SDK1: variants seen among roughly 807,000 people sequenced by gnomAD.
The protein encoded by SDK1 is sidekick cell adhesion molecule 1, also known as protein sidekick-1.
SDK1 carries 157 observed loss-of-function variants against 245.5 expected under a neutral mutation model. That is an observed-to-expected ratio of 0.64 (90% CI 0.56 to 0.73). The LOEUF is 0.73. Ranked by LOEUF, SDK1 falls within the 30% of genes least tolerant of loss-of-function variation. SDK1 has a pLI of 0.00. For missense variants in SDK1, 3,583 were observed against 3,002.3 expected (o/e 1.19, Z -4.52); for synonymous variants, 1,647 against 1,278.5 (o/e 1.29, Z -6.15).
intron 13 of SDK1, among the ~76,000 whole-genome samples, chr7:3,980,261 A>G (rs970306631): frequency 1.3e-5 from 2 of 152,116 alleles, no homozygotes; most frequent in African/African-American, 4.8e-5. Context: ...TCTCACACAC[A>G]CCTTGCTTCA....
intron 1 of SDK1, among the ~76,000 whole-genome samples, chr7:3,571,579 C>G (rs968536626): frequency 6.6e-6 from 1 of 152,056 alleles, no homozygotes; most frequent in Non-Finnish European, 1.5e-5. Flanking sequence ...TGTGAGATTA[C>G]AGGTGTGAGC....
chr7:4,085,085 AT>A (rs1781344699), intron 22 of SDK1, among the ~76,000 whole-genome samples: 1 of 151,978 alleles, frequency 6.6e-6, no homozygotes, highest in African/African-American at 2.4e-5. Context: ...TTTTAAATAT[AT>A]TTTCCCTTAC....
chr7:3,922,392 G>T (rs909005932), intron 5 of SDK1, among the ~76,000 whole-genome samples: 1 of 152,194 alleles, frequency 6.6e-6, no homozygotes, highest in Non-Finnish European at 1.5e-5. Flanking sequence ...CGGCTGTGCC[G>T]GATTTACTTA....
chr7:3,901,620 T>A (rs1781793291), intron 5 of SDK1, among the ~76,000 whole-genome samples: 1 of 152,184 alleles, frequency 6.6e-6, no homozygotes, highest in Admixed American at 6.5e-5. Context: ...AAAGGTGCAT[T>A]TTTCCTTTGT....
intron 35 of SDK1, among the ~76,000 whole-genome samples, chr7:4,198,213 G>A (rs180934832): frequency 1.7e-3 from 262 of 152,298 alleles, no homozygotes; most frequent in Middle Eastern, 3.4e-3. Context: ...TCACAGAAGC[G>A]CCACCTTCTG....
chr7:3,971,612 T>C (rs1432287668), intron 12 of SDK1, 44 bp downstream of exon 12: 3 of 1,398,656 alleles, frequency 2.1e-6, no homozygotes, highest in South Asian at 2.4e-5. Flanking sequence ...GTTGATATTC[T>C]GTGAGTTTCT....
intron 1 of SDK1, among the ~76,000 whole-genome samples, chr7:3,415,472 T>C (rs996456543): frequency 1.3e-5 from 2 of 151,876 alleles, no homozygotes; most frequent in African/African-American, 4.8e-5. Context: ...AAAACAACGG[T>C]GAAAAATGAT....
At chr7:3,602,811 TC>T (rs1377205431) in intron 1 of SDK1, among the ~76,000 whole-genome samples, 3 of 151,530 alleles carry the variant, frequency 2.0e-5, no homozygotes, top group South Asian at 2.1e-4. Context: ...TAGTTTTAGG[TC>T]TAACATTTAA....
chr7:3,638,852 T>C (rs1782556882), intron 2 of SDK1, 152 bp from the exon 3 acceptor site: 1 of 390,578 alleles, frequency 2.6e-6, no homozygotes, highest in Non-Finnish European at 4.7e-6. Context: ...TAGGGAAGGA[T>C]TGCACAGATA....
intron 15 of SDK1, 62 bp from the exon 16 acceptor site, chr7:4,012,033 A>T (rs1328698251): frequency 6.0e-6 from 8 of 1,324,178 alleles, no homozygotes; most frequent in Non-Finnish European, 7.9e-6. Context: ...GATGAAATGC[A>T]AATGGGCCCC....
intron 1 of SDK1, among the ~76,000 whole-genome samples, chr7:3,440,109 G>C (rs974814000): frequency 1.3e-5 from 2 of 152,028 alleles, no homozygotes; most frequent in Non-Finnish European, 2.9e-5. Flanking sequence ...ATGGAAATCC[G>C]GAAGTAAATA....
At chr7:4,098,936 G>C (rs1470421380) in intron 22 of SDK1, among the ~76,000 whole-genome samples, 1 of 146,240 alleles carries the variant, frequency 6.8e-6, no homozygotes, top group East Asian at 2.1e-4. Context: ...GCCTCCCAAA[G>C]TGCTGGGATT....
At position 3,781,520 on chromosome 7, in the gene SDK1, A is replaced by G. The variant is rs186944575; in HGVS notation, c.714-39930A>G. Among the ~76,000 whole-genome samples, 535 of 152,332 alleles carry G rather than the reference A, an allele frequency of 3.5e-3. 4 individuals are homozygous for G. Among genetic ancestry groups the G allele is most frequent in the South Asian group, 0.017 (81 of 4,824 alleles). ...ATAACACAAGGATTACAATGACTCAAGGGAATCATGACACCTGCAAAGAAA... is the reference window on the plus strand; with the variant it reads ...ATAACACAAGGATTACAATGACTCAGGGGAATCATGACACCTGCAAAGAAA... On this transcript the variant is annotated intron_variant, in intron 4 of 44. Coordinates refer to ENST00000404826, the MANE Select transcript of SDK1 (RefSeq NM_152744.4).
intron 1 of SDK1, among the ~76,000 whole-genome samples, chr7:3,502,224 T>C (rs984240462): frequency 1.4e-5 from 2 of 143,792 alleles, no homozygotes; most frequent in Admixed American, 1.3e-4. Flanking sequence ...GTTTCAAAGA[T>C]TTTTTTTTAA....
At chr7:3,533,523 C>T (rs534295552) in intron 1 of SDK1, among the ~76,000 whole-genome samples, 40 of 151,992 alleles carry the variant, frequency 2.6e-4, no homozygotes, top group South Asian at 1.2e-3. Flanking sequence ...TTTTATCAAC[C>T]GAATATATTT....
At chr7:3,831,204 CATA>C (rs969366291) in intron 5 of SDK1, among the ~76,000 whole-genome samples, 1 of 152,176 alleles carries the variant, frequency 6.6e-6, no homozygotes, top group Non-Finnish European at 1.5e-5. Flanking sequence ...GATGAGACCA[CATA>C]GAACAAGTTG....
intron 19 of SDK1, among the ~76,000 whole-genome samples, chr7:4,055,008 C>T (rs767239531): frequency 1.9e-4 from 29 of 152,000 alleles, no homozygotes; most frequent in African/African-American, 2.9e-4. Context: ...TAGCACTTGG[C>T]GAAGGACTTT....
At chr7:4,213,221 G>A (rs1784596194) in intron 38 of SDK1, among the ~76,000 whole-genome samples, 1 of 152,116 alleles carries the variant, frequency 6.6e-6, no homozygotes. Context: ...AGACCAGCCT[G>A]GCCAAGATGG....
intron 13 of SDK1, 29 bp downstream of exon 13, chr7:3,974,574 A>G (rs1240981665): frequency 1.9e-6 from 3 of 1,601,726 alleles, no homozygotes; most frequent in Non-Finnish European, 2.6e-6. Context: ...GGTGTTAGCC[A>G]GTCCGCGGTT....
Sources: gnomAD v4.1 joint callset for allele counts (sites outside exome capture counted in the v4.1 genomes callset) on GRCh38, gnomAD v4.1.1 for gene constraint, MANE v1.5 for transcripts, NCBI Gene and HGNC (gene_info 2026-07-23, HGNC 2026-07-21) for gene names.